Variants in FARP2 observed in about 807,000 individuals in gnomAD.
The protein encoded by FARP2 is FERM, ARHGEF and pleckstrin domain-containing protein 2.
FARP2 carries 111 observed loss-of-function variants against 130.5 expected under a neutral mutation model. The observed-to-expected ratio is 0.85, with a 90% confidence interval of 0.73 to 1.00. The LOEUF (loss-of-function observed/expected upper bound fraction) is 1.00, where lower values mean the gene tolerates loss of function less well. Ranked by LOEUF, FARP2 falls within the 50% of genes least tolerant of loss-of-function variation. FARP2 has a pLI of 0.00. For missense variants in FARP2, 1,385 were observed against 1,346.3 expected (o/e 1.03, Z -0.45); for synonymous variants, 504 against 516.9 (o/e 0.98, Z 0.34).
rs115979345 is a variant in FARP2, at chr2:241,466,693, C to T, written c.1894-1447C>T. ...GCCTTCACTCCCCTTCCAACCACCC[C>T]CCCCCCCACCACCACCACCCGTACC... On this transcript the variant is annotated intron_variant, in intron 17 of 26. Transcript: ENST00000264042. 3.4e-5 allele frequency: 23 copies of T among 674,160 alleles called. 1 individual carries two copies. The South Asian group carries it at 8.8e-4, about 26-fold the overall frequency. 41.8% of individuals were successfully genotyped at this position (674,160 alleles called of 1,614,324 possible).
intron 1 of FARP2, among the ~76,000 whole-genome samples, chr2:241,371,692 A>C (rs1029763547): frequency 2.6e-5 from 4 of 152,304 alleles, no homozygotes; most frequent in Non-Finnish European, 5.9e-5. Flanking sequence ...GCAGTGCTAC[A>C]TGCTTTGTTG....
intron 2 of FARP2, among the ~76,000 whole-genome samples, chr2:241,391,403 G>A (rs1047090460): frequency 6.6e-6 from 1 of 152,164 alleles, no homozygotes; most frequent in Non-Finnish European, 1.5e-5. Flanking sequence ...CCTTCTTGAT[G>A]TGCCCTTGCC....
intron 2 of FARP2, among the ~76,000 whole-genome samples, chr2:241,382,322 TCTC>T (rs2061682360): frequency 6.1e-5 from 8 of 130,592 alleles, no homozygotes; most frequent in African/African-American, 2.3e-4. Context: ...TGAGGCAGGG[TCTC>T]ATTCTGTTGC....
At chr2:241,487,546 T>C (rs1447454715) in intron 21 of FARP2, among the ~76,000 whole-genome samples, 3 of 113,790 alleles carry the variant, frequency 2.6e-5, no homozygotes, top group Non-Finnish European at 6.0e-5. Flanking sequence ...TGGGCACCTG[T>C]AGTCCCAACT....
chr2:241,416,302 G>T (rs2062670352), intron 7 of FARP2, among the ~76,000 whole-genome samples: 1 of 152,118 alleles, frequency 6.6e-6, no homozygotes, highest in South Asian at 2.1e-4. Context: ...CATGTGGTCT[G>T]CTTCATACGG....
At chr2:241,364,335 A>C (rs2061256446) in intron 1 of FARP2, among the ~76,000 whole-genome samples, 1 of 152,238 alleles carries the variant, frequency 6.6e-6, no homozygotes, top group African/African-American at 2.4e-5. Flanking sequence ...GACTTGAATG[A>C]GCCTGTAAGT....
At chr2:241,417,823 A>G (rs1390590372) in intron 7 of FARP2, 139 bp from the exon 8 acceptor site, 1 of 888,330 alleles carries the variant, frequency 1.1e-6, no homozygotes, top group Non-Finnish European at 1.7e-6. Context: ...TGTAGTGGGT[A>G]AACACAGACA....
intron 2 of FARP2, among the ~76,000 whole-genome samples, chr2:241,400,982 G>A (rs1372137033): frequency 6.6e-6 from 1 of 152,168 alleles, no homozygotes; most frequent in East Asian, 1.9e-4. Flanking sequence ...GATGCCCACA[G>A]GCATCAGAGT....
intron 1 of FARP2, among the ~76,000 whole-genome samples, chr2:241,367,703 T>A (rs570160798): frequency 3.2e-4 from 49 of 152,240 alleles, no homozygotes; most frequent in South Asian, 1.0e-3. Context: ...TGATTTTTTT[T>A]AAATTGCAAA....
At chr2:241,457,859 G>T (rs1373275228) in intron 14 of FARP2, among the ~76,000 whole-genome samples, 1 of 152,158 alleles carries the variant, frequency 6.6e-6, no homozygotes, top group African/African-American at 2.4e-5. Context: ...CAGTGGAGGA[G>T]CCACCTGGGG....
At chr2:241,471,919 T>C (rs2064324771) in intron 18 of FARP2, among the ~76,000 whole-genome samples, 1 of 152,130 alleles carries the variant, frequency 6.6e-6, no homozygotes, top group African/African-American at 2.4e-5. Flanking sequence ...GGGGACCCTG[T>C]TCTGAGGGGA....
In FARP2 at chr2:241,417,240, G is replaced by A. The variant is rs145029746; in HGVS notation, c.624-722G>A. On this transcript the variant is annotated intron_variant, in intron 7 of 26. Coordinates refer to ENST00000264042, the MANE Select transcript of FARP2 (RefSeq NM_014808.4). Reference sequence around the variant, plus strand: ...TTGAACCTGGGAGGCAGAGGTTGCAGTGAGCCAAGATTGCACCATTTCACT... The same window carrying A: ...TTGAACCTGGGAGGCAGAGGTTGCAATGAGCCAAGATTGCACCATTTCACT... 5.3e-3 allele frequency among the ~76,000 whole-genome samples: 807 copies of A among 151,670 alleles called. 13 individuals carry two copies. Among genetic ancestry groups the A allele is most frequent in the African/African-American group, 0.018 (754 of 41,322 alleles).
chr2:241,425,741 C>CTT (rs34033002), intron 8 of FARP2, among the ~76,000 whole-genome samples: 3 of 111,240 alleles, frequency 2.7e-5, no homozygotes, highest in South Asian at 3.0e-4. Context: ...CTCTCTCTCT[C>CTT]TTTTTTTTTT....
intron 1 of FARP2, among the ~76,000 whole-genome samples, chr2:241,369,836 G>T (rs1448819245): frequency 1.3e-5 from 2 of 152,158 alleles, no homozygotes; most frequent in African/African-American, 4.8e-5. Context: ...AGCTGACCAA[G>T]AACATATAGA....
At chr2:241,453,689 T>G (rs528789613) in intron 13 of FARP2, among the ~76,000 whole-genome samples, 1 of 151,506 alleles carries the variant, frequency 6.6e-6, no homozygotes, top group South Asian at 2.1e-4. Context: ...CCAAAAATGT[T>G]TATTCCAAAT....
intron 21 of FARP2, among the ~76,000 whole-genome samples, chr2:241,486,979 G>A (rs780395299): frequency 8.6e-5 from 13 of 151,454 alleles, no homozygotes; most frequent in Admixed American, 4.6e-4. Flanking sequence ...GCATCCCTGC[G>A]GACTGTCGGT....
chr2:241,441,444 G>C lies in FARP2; in HGVS notation c.1299G>C (p.Gln433His), dbSNP rs2150415922. 1 of 1,614,196 alleles carries C rather than the reference G, an allele frequency of 6.2e-7. No homozygotes were observed. The highest frequency in any genetic ancestry group is 1.6e-4 in the Middle Eastern group (1 of 6,062). ...GCAGCAGCTCCCTCACAGATCCCCA[G>C]GTTTCCTACGTCAAGAGTCCAGCTG... ...KDSSSSLTDP[Q>H]VSYVKSPAAE... Residue 433 changes from glutamine (Q) to histidine (H), a missense_variant, in exon 13 of 27, where the codon CAG becomes CAC. Physicochemically the swap from Gln to His is conservative, Grantham distance 24. Transcript: ENST00000264042.
In FARP2 at chr2:241,436,464, C is replaced by G; in HGVS notation, c.1101-17C>G. ...GGGGAGGGCTTGGTTTCTCACAGCT[C>G]GTCCTCTGTTTTGCAGAAGGCACAG... On this transcript the variant is annotated splice_polypyrimidine_tract_variant and intron_variant, in intron 11 of 26. Transcript: ENST00000264042. 2 of 1,613,846 alleles carry G rather than the reference C, an allele frequency of 1.2e-6. No individual in the cohort carries two copies. Among genetic ancestry groups the G allele is most frequent in the Non-Finnish European group, 1.7e-6 (2 of 1,179,756 alleles).
At chr2:241,458,245 G>A (rs542981542) in intron 14 of FARP2, among the ~76,000 whole-genome samples, 3 of 152,168 alleles carry the variant, frequency 2.0e-5, no homozygotes, top group African/African-American at 7.2e-5. Context: ...TGGGGTCCCT[G>A]AGTGGCAGCT....
Sources: gnomAD v4.1 joint callset for allele counts (sites outside exome capture counted in the v4.1 genomes callset) on GRCh38, gnomAD v4.1.1 for gene constraint, MANE v1.5 for transcripts, NCBI Gene and HGNC (gene_info 2026-07-23, HGNC 2026-07-21) for gene names.